Variants in MCTP1 observed in about 807,000 individuals in gnomAD.
MCTP1 encodes multiple C2 and transmembrane domain-containing protein 1.
In MCTP1, 69 loss-of-function variants were observed where a neutral mutation model predicts 120.6. The observed-to-expected ratio is 0.57, with a 90% CI of 0.47 to 0.70. The LOEUF is 0.70. MCTP1 is among the 30% of genes least tolerant of loss of function. The pLI, the probability that MCTP1 is intolerant of heterozygous loss-of-function variation, is 0.00. For synonymous variants in MCTP1, 529 were observed against 493.1 expected, an observed-to-expected ratio of 1.07 and a Z score of -0.96; for missense variants, 1,203 against 1,248.8, an observed-to-expected ratio of 0.96 and a Z score of 0.55.
intron 1 of MCTP1, among the ~76,000 whole-genome samples, chr5:95,280,679 C>T (rs781473997): frequency 2.0e-4 from 30 of 151,908 alleles, no homozygotes; most frequent in Non-Finnish European, 4.1e-4. Flanking sequence ...CAAAACAGAA[C>T]ATTTGAAATA....
intron 1 of MCTP1, among the ~76,000 whole-genome samples, chr5:95,233,644 C>T (rs1339904457): frequency 1.3e-5 from 2 of 151,940 alleles, no homozygotes; most frequent in African/African-American, 2.4e-5. Context: ...TGACATACTT[C>T]TAAATAAATC....
chr5:95,235,490 C>G (rs1328843971), intron 1 of MCTP1, among the ~76,000 whole-genome samples: 2 of 151,600 alleles, frequency 1.3e-5, no homozygotes, highest in Non-Finnish European at 2.9e-5. Context: ...AATAAAAGGC[C>G]TCTAGATTAA....
intron 12 of MCTP1, among the ~76,000 whole-genome samples, chr5:94,881,275 G>C (rs1800004723): frequency 1.3e-5 from 2 of 152,184 alleles, no homozygotes; most frequent in South Asian, 4.1e-4. Flanking sequence ...TCTGCCATGT[G>C]GCTTTAGTAC....
chr5:94,712,460 T>C (rs2152545171), intron 20 of MCTP1, among the ~76,000 whole-genome samples: 1 of 152,218 alleles, frequency 6.6e-6, no homozygotes, highest in Admixed American at 6.5e-5. Context: ...TAAAGGATGA[T>C]TGCTAAAGAG....
At chr5:94,756,282 AC>A (rs1769839372) in intron 19 of MCTP1, among the ~76,000 whole-genome samples, 1 of 152,114 alleles carries the variant, frequency 6.6e-6, no homozygotes, top group South Asian at 2.1e-4. Context: ...CATACTCTTA[AC>A]CACTATGCTC....
rs1812348810 is a variant in MCTP1, at chr5:94,923,942, A to G, written c.1272+20T>C. 6.8e-7 allele frequency: 1 copy of G among 1,471,284 alleles called. No individual in the cohort carries two copies. Among genetic ancestry groups the G allele is most frequent in the African/African-American group, 1.5e-5 (1 of 67,742 alleles). 91.1% of individuals were successfully genotyped at this position (1,471,284 alleles called of 1,614,324 possible). A position where few individuals can be genotyped will look rare whatever the true frequency, so the allele number is the denominator to read the frequency against. On this transcript the variant is annotated intron_variant, in intron 7 of 22. Coordinates refer to ENST00000515393, the MANE Select transcript of MCTP1 (RefSeq NM_024717.7). ...AAAACCAAAAATCAAGAATATTAAC[A>G]AAAAGGATTTAGACATTACCCTCCA...
At chr5:94,725,029 A>C (rs965293066) in intron 19 of MCTP1, among the ~76,000 whole-genome samples, 2 of 152,202 alleles carry the variant, frequency 1.3e-5, no homozygotes, top group African/African-American at 4.8e-5. Context: ...AAGAATTTGT[A>C]TGCCTCACAG....
intron 2 of MCTP1, among the ~76,000 whole-genome samples, chr5:94,961,483 T>C (rs965703134): frequency 1.3e-5 from 2 of 152,136 alleles, no homozygotes; most frequent in Non-Finnish European, 2.9e-5. Context: ...TAGCAAGAGA[T>C]GGAGTTAGGA....
At chr5:95,245,997 C>G (rs796227796) in intron 1 of MCTP1, among the ~76,000 whole-genome samples, 5 of 148,420 alleles carry the variant, frequency 3.4e-5, no homozygotes, top group African/African-American at 1.2e-4. Context: ...AGAAACCCTA[C>G]AAGCCAGAAG....
At chr5:94,711,072 C>A in intron 20 of MCTP1, 145 bp from the exon 21 acceptor site, 1 of 650,866 alleles carries the variant, frequency 1.5e-6, no homozygotes, top group Non-Finnish European at 2.7e-6. Flanking sequence ...TCAGAGGACG[C>A]AGGCTAGCCA....
At position 94,917,968 on chromosome 5, in the gene MCTP1, G is replaced by A. The variant is rs376449269; in HGVS notation, c.1278C>T (p.Cys426=). Residue 426 remains cysteine, a synonymous_variant, in exon 8 of 23, where the codon TGC becomes TGT. Transcript: ENST00000515393. ...FSVKSLFWRT[C]GRPALPVLGF... ...CCAGGACAGGAAGAGCTGGCCTGCCGCACGTCTGGATGGAAATGAATGATC... is the reference window on the plus strand; with the variant it reads ...CCAGGACAGGAAGAGCTGGCCTGCCACACGTCTGGATGGAAATGAATGATC... 1.4e-5 allele frequency: 23 copies of A among 1,613,368 alleles called. No homozygotes were observed. The highest frequency in any genetic ancestry group is 1.2e-4 in the African/African-American group (9 of 74,904).
chr5:95,156,859 A>G (rs1745183360), intron 1 of MCTP1, among the ~76,000 whole-genome samples: 2 of 152,238 alleles, frequency 1.3e-5, no homozygotes, highest in Non-Finnish European at 2.9e-5. Context: ...CAGCAAACAG[A>G]CTTGGCAGTA....
At chr5:94,905,356 G>T (rs993535577) in intron 10 of MCTP1, among the ~76,000 whole-genome samples, 3 of 152,162 alleles carry the variant, frequency 2.0e-5, no homozygotes, top group African/African-American at 7.2e-5. Flanking sequence ...AACAATTAAA[G>T]GATTTGGAAC....
intron 17 of MCTP1, among the ~76,000 whole-genome samples, chr5:94,845,607 T>C (rs1792155599): frequency 6.6e-6 from 1 of 152,152 alleles, no homozygotes; most frequent in Non-Finnish European, 1.5e-5. Context: ...TGCAATGGCA[T>C]GATCTCAGCT....
At chr5:94,917,753 A>C (rs1690370240) in intron 8 of MCTP1, 143 bp downstream of exon 8, 2 of 606,330 alleles carry the variant, frequency 3.3e-6, no homozygotes, top group South Asian at 4.4e-5. Flanking sequence ...ATTCCTTGAA[A>C]AAAATTAAGA....
intron 19 of MCTP1, among the ~76,000 whole-genome samples, chr5:94,718,245 A>G (rs187352769): frequency 1.4e-4 from 22 of 152,342 alleles, no homozygotes; most frequent in Middle Eastern, 3.4e-3. Context: ...AAACTTGACA[A>G]AAACAAGCAA....
chr5:95,091,479 T>C (rs971530352), intron 1 of MCTP1, among the ~76,000 whole-genome samples: 6 of 152,174 alleles, frequency 3.9e-5, no homozygotes, highest in African/African-American at 1.4e-4. Context: ...GGTGATGCCA[T>C]GTGACTTCTG....
intron 1 of MCTP1, among the ~76,000 whole-genome samples, chr5:95,230,157 AAT>A (rs1754755810): frequency 6.7e-6 from 1 of 150,264 alleles, no homozygotes; most frequent in African/African-American, 2.5e-5. Context: ...TACACTCACA[AAT>A]ACACACACAT....
intron 19 of MCTP1, among the ~76,000 whole-genome samples, chr5:94,717,140 TC>T (rs1468270139): frequency 1.3e-5 from 2 of 152,138 alleles, no homozygotes; most frequent in African/African-American, 4.8e-5. Flanking sequence ...CCAAATACAT[TC>T]CATATTAATG....
Sources: gnomAD v4.1 joint callset for allele counts (sites outside exome capture counted in the v4.1 genomes callset) on GRCh38, gnomAD v4.1.1 for gene constraint, MANE v1.5 for transcripts, NCBI Gene and HGNC (gene_info 2026-07-23, HGNC 2026-07-21) for gene names.